The following ASB2 variants were observed in gnomAD, a reference collection of about 807,000 sequenced individuals.
ASB2 encodes the protein ankyrin repeat and SOCS box containing 2.
Under a neutral mutation model 62.4 loss-of-function variants are expected in ASB2, and 58 were observed. The ratio of observed to expected loss-of-function variants is 0.93; its 90% CI spans 0.75 to 1.16. The LOEUF is 1.16. Ranked by LOEUF, ASB2 falls within the 50% of genes most tolerant of loss-of-function variation. ASB2 has a pLI of 0.00. For synonymous variants in ASB2, 386 were observed against 385.3 expected (o/e 1.00, Z -0.02); for missense variants, 928 against 887.9 (o/e 1.05, Z -0.57).
At chr14:93,957,706 T>C (rs1015516522) in intron 2 of ASB2, among the ~76,000 whole-genome samples, 1 of 152,116 alleles carries the variant, frequency 6.6e-6, no homozygotes, top group East Asian at 1.9e-4. Flanking sequence ...TCATTTTGCC[T>C]CTCTAGGCCT....
chr14:93,955,037 T>C (rs1339195023), intron 3 of ASB2: 1 of 456,808 alleles, frequency 2.2e-6, no homozygotes, highest in Non-Finnish European at 4.4e-6. Context: ...CGTTCCTTGC[T>C]TGGCTTGTTA....
At chr14:93,958,925 G>A (rs1163526269) in intron 2 of ASB2, among the ~76,000 whole-genome samples, 1 of 152,204 alleles carries the variant, frequency 6.6e-6, no homozygotes, top group African/African-American at 2.4e-5. Context: ...CCATCTAAAC[G>A]AGGACCTGTC....
In ASB2 at chr14:93,934,223, C is replaced by T. The variant is rs1400187232; in HGVS notation, c.*433G>A. ...AACAAAGCCCTCCAAGACCCAGGCT[C>T]CCCCTACCCCCTACCTTGGGCCACG... On this transcript the variant is annotated 3_prime_UTR_variant, in exon 10 of 10. Coordinates refer to ENST00000555019, the MANE Select transcript of ASB2 (RefSeq NM_001202429.2). The T allele has an allele frequency of 2.2e-6, 1 of 456,732 alleles. No individual in the cohort carries two copies. The highest frequency in any genetic ancestry group is 2.0e-5 in the African/African-American group (1 of 50,048). 28.3% of individuals were successfully genotyped at this position (456,732 alleles called of 1,614,324 possible).
intron 2 of ASB2, among the ~76,000 whole-genome samples, chr14:93,958,967 C>T (rs1245043053): frequency 2.0e-5 from 3 of 152,162 alleles, no homozygotes; most frequent in South Asian, 2.1e-4. Context: ...CAATGGTGGC[C>T]GGGATGTTGA....
In ASB2 at chr14:93,934,750, C is replaced by T. The variant is rs372274381; in HGVS notation, c.1814G>A (p.Arg605Gln). 2.5e-5 allele frequency: 40 copies of T among 1,613,542 alleles called. No homozygotes were observed. Among genetic ancestry groups the T allele is most frequent in the African/African-American group, 1.2e-4 (9 of 74,896 alleles). The change falls in exon 10 of 10, where the codon CGA (arginine) becomes CAA (glutamine). Residue 605 changes from arginine to glutamine, a missense_variant. Arg to Gln is a conservative substitution (Grantham distance 43, BLOSUM62 1). Transcript: ENST00000555019. ...TATACGGTATTTCCCAATGGCCTTT[C>T]GAACCCGCAGTCGGCAAAGGTGAGC... is the stretch of plus-strand genomic sequence containing the variant. The part of the protein sequence containing the change: ...PLAHLCRLRV[R>Q]KAIGKYRIKL...
chr14:93,947,430 A>G lies in ASB2; in HGVS notation c.971T>C (p.Leu324Pro). ...CTTGTTGGCGTCGGCACCCTGTGAC[A>G]GCAGAAACTCCACCACCTCCTCATG... is the stretch of plus-strand genomic sequence containing the variant. ...NEHEEVVEFL[L>P]SQGADANKTN... The change falls in exon 7 of 10, where the codon CTG becomes CCG. Residue 324 changes from leucine to proline, a missense_variant. Transcript: ENST00000555019. 1 of 1,614,264 alleles carries G rather than the reference A, an allele frequency of 6.2e-7. No individual in the cohort carries two copies. Among genetic ancestry groups the G allele is most frequent in the Non-Finnish European group, 8.5e-7 (1 of 1,180,050 alleles).
chr14:93,971,220 C>T (rs1285463540), intron 1 of ASB2, among the ~76,000 whole-genome samples: 8 of 152,246 alleles, frequency 5.3e-5, no homozygotes, highest in Admixed American at 1.3e-4. Flanking sequence ...CCGGGCTGTG[C>T]GCAGAGCCTG....
chr14:93,942,282 G>A (rs563878393), intron 7 of ASB2: 14 of 456,042 alleles, frequency 3.1e-5, no homozygotes, highest in East Asian at 1.4e-4. Context: ...TGATAGAGCC[G>A]TAGGTGTCTG....
At chr14:93,939,797 G>A in intron 7 of ASB2, 125 bp from the exon 8 acceptor site, 2 of 753,862 alleles carry the variant, frequency 2.7e-6, no homozygotes, top group Non-Finnish European at 1.9e-6. Context: ...GGGCTGCGAC[G>A]CGGATCCCAC....
intron 3 of ASB2, among the ~76,000 whole-genome samples, chr14:93,954,803 A>G (rs1405108094): frequency 6.6e-6 from 1 of 152,168 alleles, no homozygotes; most frequent in Non-Finnish European, 1.5e-5. Flanking sequence ...TTCCCTGAGT[A>G]TAGCACTCTA....
At chr14:93,958,045 G>A (rs571753962) in intron 2 of ASB2, among the ~76,000 whole-genome samples, 1 of 152,314 alleles carries the variant, frequency 6.6e-6, no homozygotes, top group South Asian at 2.1e-4. Context: ...ACCCCAGCAA[G>A]GCCAGAGCCT....
chr14:93,959,366 A>T (rs932849919), intron 2 of ASB2, among the ~76,000 whole-genome samples: 1 of 152,180 alleles, frequency 6.6e-6, no homozygotes, highest in Non-Finnish European at 1.5e-5. Flanking sequence ...GAGTGCATCC[A>T]CTGGCTTTGG....
Position 93,956,783 on chromosome 14 carries a change from G to C in ASB2, c.294C>G (p.Phe98Leu). The change falls in exon 3 of 10, where the codon TTC becomes TTG. Residue 98 changes from phenylalanine (F) to leucine (L), a missense_variant. By Grantham distance (22) the Phe-to-Leu change is conservative. Transcript: ENST00000555019. ...GVMQKYSSSL[F>L]KTSQLAPADP... ...TCACTTACGCCAGCTGGGAGGTCTT[G>C]AACAAGCTGCTGCTGTATTTCTGCA... 6.2e-7 allele frequency: 1 copy of C among 1,614,202 alleles called. No homozygotes were observed. Among genetic ancestry groups the C allele is most frequent in the Non-Finnish European group, 8.5e-7 (1 of 1,180,028 alleles).
At chr14:93,946,377 G>T (rs1312653972) in intron 7 of ASB2, among the ~76,000 whole-genome samples, 1 of 152,232 alleles carries the variant, frequency 6.6e-6, no homozygotes, top group Non-Finnish European at 1.5e-5. Context: ...CACCTCTGCG[G>T]CCCAGGCTTC....
intron 8 of ASB2, among the ~76,000 whole-genome samples, chr14:93,938,801 G>A (rs1357549343): frequency 6.6e-6 from 1 of 152,214 alleles, no homozygotes; most frequent in African/African-American, 2.4e-5. Flanking sequence ...GCACCACTAA[G>A]TTCTGCGGCC....
intron 8 of ASB2, among the ~76,000 whole-genome samples, chr14:93,938,168 G>C (rs1440287496): frequency 2.7e-5 from 4 of 149,680 alleles, no homozygotes; most frequent in Admixed American, 2.7e-4. Flanking sequence ...ATGAATGATC[G>C]CCATTAACCA....
At chr14:93,975,094 T>G (rs6575377) in intron 1 of ASB2, among the ~76,000 whole-genome samples, 102,126 of 152,252 alleles carry the variant, frequency 0.67, 36,053 homozygotes, top group East Asian at 0.98. Flanking sequence ...TCTGCCACTG[T>G]CTGCCTCATG....
intron 8 of ASB2, 96 bp downstream of exon 8, chr14:93,939,012 C>A: frequency 8.9e-7 from 1 of 1,128,058 alleles, no homozygotes. Context: ...TCCCAAGGAG[C>A]GCGAACCACC....
chr14:93,974,860 GTGT>G (rs1889865651), intron 1 of ASB2, among the ~76,000 whole-genome samples: 1 of 152,362 alleles, frequency 6.6e-6, no homozygotes, highest in African/African-American at 2.4e-5. Context: ...GGTATGGCCT[GTGT>G]TGTTGTTCAC....
Sources: allele counts gnomAD v4.1 joint callset (sites outside exome capture counted in the v4.1 genomes callset), GRCh38; gene constraint gnomAD v4.1.1; transcripts MANE v1.5; gene names NCBI Gene and HGNC (gene_info 2026-07-23, HGNC 2026-07-21).